NRG3: variants seen among roughly 807,000 people sequenced by gnomAD.
NRG3 encodes pro-neuregulin-3, membrane-bound isoform.
Under a neutral mutation model 66.9 loss-of-function variants are expected in NRG3, and 31 were observed. The observed-to-expected ratio is 0.46, with a 90% confidence interval of 0.35 to 0.63. NRG3 has a LOEUF of 0.63. NRG3 is among the 20% of genes least tolerant of loss of function. The pLI, the probability that NRG3 is intolerant of heterozygous loss-of-function variation, is 0.00. For missense variants in NRG3, 910 were observed against 878.9 expected (o/e 1.04, Z -0.45); for synonymous variants, 393 against 359.4 (o/e 1.09, Z -1.06).
At chr10:81,894,616 C>T (rs1316633214) in intron 1 of NRG3, among the ~76,000 whole-genome samples, 1 of 152,172 alleles carries the variant, frequency 6.6e-6, no homozygotes, top group Non-Finnish European at 1.5e-5. Context: ...AGCAGAAACA[C>T]ACGCACTAAT....
intron 1 of NRG3, among the ~76,000 whole-genome samples, chr10:82,000,710 A>G (rs1003853676): frequency 1.1e-4 from 17 of 152,230 alleles, no homozygotes; most frequent in African/African-American, 4.1e-4. Flanking sequence ...AAATGAATAT[A>G]TTAACTTACT....
chr10:82,295,050 A>T (rs955846042), intron 1 of NRG3, among the ~76,000 whole-genome samples: 2 of 150,276 alleles, frequency 1.3e-5, no homozygotes, highest in Non-Finnish European at 2.9e-5. Context: ...GATGAGATTC[A>T]TGTGCTATTT....
chr10:82,109,670 C>T (rs1456644722), intron 1 of NRG3, among the ~76,000 whole-genome samples: 1 of 151,868 alleles, frequency 6.6e-6, no homozygotes, highest in Non-Finnish European at 1.5e-5. Context: ...TATGTTTATA[C>T]TGTCCATTGT....
At chr10:82,752,285 A>G (rs2058898062) in intron 3 of NRG3, among the ~76,000 whole-genome samples, 1 of 152,176 alleles carries the variant, frequency 6.6e-6, no homozygotes, top group Non-Finnish European at 1.5e-5. Flanking sequence ...GAGGTTTACA[A>G]TAAAATGTAT....
At position 82,720,824 on chromosome 10, in the gene NRG3, T is replaced by C. The variant is rs923349608; in HGVS notation, c.954-17753T>C. Among the ~76,000 whole-genome samples, 49 of 130,366 alleles carry C rather than the reference T, an allele frequency of 3.8e-4. No individual in the cohort carries two copies. In the South Asian group the frequency reaches 0.01, roughly 27 times the overall value. The allele number at this position is 130,366 out of a possible 152,430, so 85.5% of individuals were successfully genotyped here. ...AGTATTTTATACATATATATATATA[T>C]ATATATATATATATATATCACCCAT... On this transcript the variant is annotated intron_variant, in intron 2 of 8. Coordinates refer to ENST00000372141, the MANE Select transcript of NRG3 (RefSeq NM_001010848.4).
At chr10:82,867,147 C>T (rs1840834677) in intron 4 of NRG3, among the ~76,000 whole-genome samples, 2 of 152,114 alleles carry the variant, frequency 1.3e-5, no homozygotes, top group Admixed American at 6.6e-5. Context: ...TTTCCTGATA[C>T]TACTTTTTCT....
rs1167543130 is a variant in NRG3 at position 82,408,095 on chromosome 10, G to GAA, written c.953+49229_953+49230dup. Among the ~76,000 whole-genome samples the GAA allele has an allele frequency of 3.6e-5, 4 of 112,674 alleles. No homozygotes were observed. In the Admixed American group the frequency reaches 3.6e-4, roughly 10 times the overall value. The allele number at this position is 112,674 out of a possible 152,430, so 73.9% of individuals were successfully genotyped here. The stretch of plus-strand genomic sequence containing the variant: ...AGAGAGAGAGAGAGACAGAAAGAAA[G>GAA]AAAGAAAGAAAGAAAGAAAGAAAGA... On this transcript the variant is annotated intron_variant, in intron 2 of 8. Coordinates refer to ENST00000372141, the MANE Select transcript of NRG3 (RefSeq NM_001010848.4).
intron 3 of NRG3, among the ~76,000 whole-genome samples, chr10:82,783,456 C>A (rs1421734026): frequency 6.6e-6 from 1 of 151,480 alleles, no homozygotes; most frequent in Non-Finnish European, 1.5e-5. Flanking sequence ...ATCTAGAAAA[C>A]CCCATTGTCT....
intron 1 of NRG3, among the ~76,000 whole-genome samples, chr10:81,983,272 A>G (rs1287329944): frequency 2.6e-5 from 4 of 152,216 alleles, no homozygotes; most frequent in African/African-American, 9.7e-5. Context: ...AGTAATTAAA[A>G]TAAAAATTGT....
At chr10:82,944,030 C>T (rs963948721) in intron 4 of NRG3, among the ~76,000 whole-genome samples, 2 of 152,134 alleles carry the variant, frequency 1.3e-5, no homozygotes, top group Admixed American at 6.5e-5. Flanking sequence ...TCCAAAATTA[C>T]CAGACTCTCA....
intron 3 of NRG3, among the ~76,000 whole-genome samples, chr10:82,747,820 A>G (rs2058707269): frequency 6.6e-6 from 1 of 151,864 alleles, no homozygotes; most frequent in Non-Finnish European, 1.5e-5. Flanking sequence ...TATGGAGTCA[A>G]ATCTATTAGG....
At chr10:82,809,328 ATTC>A (rs1171151524) in intron 3 of NRG3, among the ~76,000 whole-genome samples, 6 of 152,174 alleles carry the variant, frequency 3.9e-5, no homozygotes, top group East Asian at 3.9e-4. Context: ...TTCAACACTC[ATTC>A]TTCTTCTTTA....
chr10:82,362,331 ATATGTGTGTGTGTGTG>A (rs1056612354), intron 2 of NRG3, among the ~76,000 whole-genome samples: 7 of 123,780 alleles, frequency 5.7e-5, no homozygotes, highest in South Asian at 2.4e-4. Context: ...GTGTATATAT[ATATGTGTGTGTGTGTG>A]TGTGTGTGTG....
chr10:82,007,455 C>A (rs566753939), intron 1 of NRG3, among the ~76,000 whole-genome samples: 1 of 152,180 alleles, frequency 6.6e-6, no homozygotes, highest in South Asian at 2.1e-4. Context: ...GATCTGCATG[C>A]CTCGGCCTCC....
intron 2 of NRG3, among the ~76,000 whole-genome samples, chr10:82,701,438 C>T (rs1245212636): frequency 1.3e-5 from 2 of 151,998 alleles, no homozygotes; most frequent in African/African-American, 4.8e-5. Context: ...TTTGAGATCC[C>T]AAGAGTCTGG....
intron 2 of NRG3, among the ~76,000 whole-genome samples, chr10:82,685,042 A>C (rs889688652): frequency 1.3e-5 from 2 of 152,120 alleles, no homozygotes; most frequent in African/African-American, 4.8e-5. Context: ...TCATCTACGA[A>C]GTAAGAAGGC....
intron 2 of NRG3, among the ~76,000 whole-genome samples, chr10:82,609,757 C>T (rs1448934867): frequency 6.6e-6 from 1 of 152,148 alleles, no homozygotes; most frequent in African/African-American, 2.4e-5. Context: ...CTTTATTCCT[C>T]ATCGTAAATT....
intron 2 of NRG3, among the ~76,000 whole-genome samples, chr10:82,359,655 C>T (rs2083996554): frequency 6.6e-6 from 1 of 152,018 alleles, no homozygotes; most frequent in African/African-American, 2.4e-5. Flanking sequence ...CCAGTATTAC[C>T]CTGGTAATTT....
intron 1 of NRG3, among the ~76,000 whole-genome samples, chr10:82,291,916 CAA>C (rs2134614314): frequency 6.6e-6 from 1 of 152,188 alleles, no homozygotes; most frequent in African/African-American, 2.4e-5. Context: ...TAGCATTCAA[CAA>C]AGTGTTCTTA....
Sources: allele counts gnomAD v4.1 joint callset (sites outside exome capture counted in the v4.1 genomes callset), GRCh38; gene constraint gnomAD v4.1.1; transcripts MANE v1.5; gene names NCBI Gene and HGNC (gene_info 2026-07-23, HGNC 2026-07-21).